The following TAS2R1 variants were observed in gnomAD, a reference collection of about 807,000 sequenced individuals.
TAS2R1 encodes taste receptor type 2 member 1.
For missense variants in TAS2R1, 370 were observed against 353.4 expected, an observed-to-expected ratio of 1.05 and a Z score of -0.38; for synonymous variants, 141 against 134.2, an observed-to-expected ratio of 1.05 and a Z score of -0.35.
the TAS2R1 span, among the ~76,000 whole-genome samples, chr5:9,846,470 A>G: frequency 6.6e-6 from 1 of 152,156 alleles, no homozygotes; most frequent in African/African-American, 2.4e-5. Flanking sequence ...TTTGTCTTAG[A>G]ACACACTTCT....
chr5:9,685,881 T>C (rs1169675298), intron 1 of TAS2R1, among the ~76,000 whole-genome samples: 1 of 152,236 alleles, frequency 6.6e-6, no homozygotes, highest in Non-Finnish European at 1.5e-5. Context: ...GTTTTTGTTT[T>C]TGAGATGGAG....
chr5:9,742,226 G>A, the TAS2R1 span, among the ~76,000 whole-genome samples: 1 of 152,072 alleles, frequency 6.6e-6, no homozygotes, highest in Non-Finnish European at 1.5e-5. Context: ...GTTACTCTCC[G>A]AGTGTTTTGC....
intron 1 of TAS2R1, among the ~76,000 whole-genome samples, chr5:9,684,313 C>T (rs1442126117): frequency 6.6e-6 from 1 of 152,152 alleles, no homozygotes; most frequent in African/African-American, 2.4e-5. Flanking sequence ...AGAGAAATAC[C>T]TCACGTTCTT....
At chr5:9,680,309 A>G (rs1740968358) in intron 1 of TAS2R1, among the ~76,000 whole-genome samples, 1 of 152,232 alleles carries the variant, frequency 6.6e-6, no homozygotes, top group African/African-American at 2.4e-5. Context: ...CGGGTGGAAG[A>G]GTTCCTAATA....
At chr5:9,705,561 T>C (rs2126528928) in intron 1 of TAS2R1, among the ~76,000 whole-genome samples, 1 of 152,168 alleles carries the variant, frequency 6.6e-6, no homozygotes, top group African/African-American at 2.4e-5. Context: ...TTCTGGGATA[T>C]AAGGCTTTTA....
chr5:9,659,797 T>C (rs1740494447), intron 1 of TAS2R1: 1 of 152,022 alleles, frequency 6.6e-6, no homozygotes, highest in Admixed American at 6.6e-5. Flanking sequence ...CCTCATAATT[T>C]CTAATCACCT....
At chr5:9,698,694 A>G (rs1446039186) in intron 1 of TAS2R1, among the ~76,000 whole-genome samples, 1 of 152,210 alleles carries the variant, frequency 6.6e-6, no homozygotes, top group Non-Finnish European at 1.5e-5. Flanking sequence ...CCTAAGTATT[A>G]TACTCTATAA....
chr5:9,812,328 G>A, the TAS2R1 span, among the ~76,000 whole-genome samples: 3 of 151,928 alleles, frequency 2.0e-5, no homozygotes, highest in Non-Finnish European at 4.4e-5. Context: ...ATGTATGTAT[G>A]TATATATATG....
rs1554054920 is a variant in TAS2R1 at position 9,710,906 on chromosome 5, T to TAA, written c.-242+1264_-242+1265dup. Among the ~76,000 whole-genome samples the TAA allele has an allele frequency of 2.0e-5, 3 of 146,392 alleles. No individual in the cohort carries two copies. In the Admixed American group the frequency reaches 2.1e-4, roughly 10 times the overall value. Reference sequence around the variant, plus strand: ...ATACACACACACACACATATATATATAACCAGATTATATATATTATATATA... The same window carrying TAA: ...ATACACACACACACACATATATATATAAAACCAGATTATATATATTATATATA... On this transcript the variant is annotated intron_variant, in intron 1 of 2. Coordinates refer to the TAS2R1 transcript ENST00000506620.
chr5:9,629,447 GC>G, downstream of TAS2R1: 1 of 1,614,000 alleles, frequency 6.2e-7, no homozygotes, highest in Non-Finnish European at 8.5e-7. Context: ...AAAATCAAGA[GC>G]AAAACAGCAA....
the TAS2R1 span, among the ~76,000 whole-genome samples, chr5:9,819,790 C>T: frequency 3.2e-3 from 483 of 152,226 alleles, 2 homozygotes; most frequent in African/African-American, 0.011. Flanking sequence ...TGCAAGATGT[C>T]CATTTTCAGT....
chr5:9,639,269 A>G (rs1431034128), intron 2 of TAS2R1, among the ~76,000 whole-genome samples: 3 of 152,194 alleles, frequency 2.0e-5, no homozygotes, highest in Non-Finnish European at 2.9e-5. Context: ...CCTGGGCTCA[A>G]GCTGGAGACT....
intron 1 of TAS2R1, among the ~76,000 whole-genome samples, chr5:9,676,769 A>C (rs1057098530): frequency 6.6e-6 from 1 of 152,190 alleles, no homozygotes. Flanking sequence ...ACTTTATTAA[A>C]ATTTAAAATA....
At chr5:9,881,202 C>A in the TAS2R1 span, among the ~76,000 whole-genome samples, 4 of 151,882 alleles carry the variant, frequency 2.6e-5, no homozygotes, top group East Asian at 3.9e-4. Flanking sequence ...TTCCTATATA[C>A]AAGCAGTAGA....
At chr5:9,808,318 T>C in the TAS2R1 span, among the ~76,000 whole-genome samples, 2 of 152,316 alleles carry the variant, frequency 1.3e-5, no homozygotes, top group South Asian at 4.1e-4. Context: ...AGAACTTGAC[T>C]AACGTGTTCA....
chr5:9,851,072 G>C, the TAS2R1 span, among the ~76,000 whole-genome samples: 1 of 152,180 alleles, frequency 6.6e-6, no homozygotes. Flanking sequence ...TCCACGACCT[G>C]AGATGTCTAT....
the TAS2R1 span, among the ~76,000 whole-genome samples, chr5:9,863,706 A>G: frequency 3.3e-5 from 5 of 152,324 alleles, no homozygotes; most frequent in Admixed American, 1.3e-4. Context: ...GGCTTCATAC[A>G]TGACTGCCCA....
the TAS2R1 span, among the ~76,000 whole-genome samples, chr5:9,845,035 C>T: frequency 6.6e-6 from 1 of 152,142 alleles, no homozygotes; most frequent in Non-Finnish European, 1.5e-5. Flanking sequence ...CTGCTATGGA[C>T]TGAATATTTG....
chr5:9,784,451 C>T, the TAS2R1 span, among the ~76,000 whole-genome samples: 4 of 152,220 alleles, frequency 2.6e-5, no homozygotes, highest in African/African-American at 9.6e-5. Context: ...GTGTGCCCAG[C>T]ACACTGGCAG....
Sources: allele counts gnomAD v4.1 joint callset (sites outside exome capture counted in the v4.1 genomes callset), GRCh38; gene constraint gnomAD v4.1.1; transcripts MANE v1.5; gene names NCBI Gene and HGNC (gene_info 2026-07-23, HGNC 2026-07-21).